FECH: variants seen among roughly 807,000 people sequenced by gnomAD.
The protein encoded by FECH is ferrochelatase.
FECH carries 40 observed loss-of-function variants against 56.9 expected under a neutral mutation model. The ratio of observed to expected loss-of-function variants is 0.70; its 90% confidence interval spans 0.55 to 0.92. The LOEUF (loss-of-function observed/expected upper bound fraction) is 0.92. Ranked by LOEUF, FECH falls within the 40% of genes least tolerant of loss-of-function variation. FECH has a pLI of 0.00. For synonymous variants in FECH, 175 were observed against 198.6 expected (o/e 0.88, Z 1.00); for missense variants, 431 against 529.1 (o/e 0.81, Z 1.82).
chr18:57,554,430 C>T lies in FECH; in HGVS notation c.913-6G>A, dbSNP rs373867253. The T allele has an allele frequency of 5.1e-5, 82 of 1,614,050 alleles. No homozygotes were observed. Among genetic ancestry groups the T allele is most frequent in the Non-Finnish European group, 6.0e-5 (71 of 1,180,016 alleles). On this transcript the variant is annotated splice_polypyrimidine_tract_variant and splice_region_variant and intron_variant, in intron 8 of 10. Coordinates refer to ENST00000262093, the MANE Select transcript of FECH (RefSeq NM_000140.5). ...AACCAGGGCATTGGACCAACCTATG[C>T]GAAAGATAGACGAATGCGTAAGTGG...
intron 4 of FECH, among the ~76,000 whole-genome samples, 171 bp downstream of exon 4, chr18:57,571,221 G>A (rs2051100452): frequency 6.6e-6 from 1 of 152,276 alleles, no homozygotes; most frequent in East Asian, 1.9e-4. Context: ...AAAGGCTAAA[G>A]GTCAAGGGAT....
At chr18:57,557,237 G>GT (rs1410347000) in intron 7 of FECH, among the ~76,000 whole-genome samples, 3 of 152,308 alleles carry the variant, frequency 2.0e-5, no homozygotes, top group Admixed American at 1.3e-4. Context: ...TCAGTTTTCT[G>GT]TAAGTCTAAA....
At chr18:57,556,090 G>T (rs2050863875) in intron 7 of FECH, among the ~76,000 whole-genome samples, 1 of 152,104 alleles carries the variant, frequency 6.6e-6, no homozygotes, top group African/African-American at 2.4e-5. Context: ...GATTGCACCA[G>T]TGCACTCCAG....
rs906316457 is a variant in FECH, at chr18:57,549,280, C to G, written c.*1432G>C. On this transcript the variant is annotated 3_prime_UTR_variant, in exon 11 of 11. Coordinates refer to ENST00000262093, the MANE Select transcript of FECH (RefSeq NM_000140.5). ...AAAAAGCTCCTCACATTTAATAATT[C>G]TGATTTAGATCAGTTTTGATTTAAC... is the stretch of plus-strand genomic sequence containing the variant. 2.0e-5 allele frequency: 3 copies of G among 152,104 alleles called. No individual in the cohort carries two copies. Among genetic ancestry groups the G allele is most frequent in the African/African-American group, 7.2e-5 (3 of 41,408 alleles). The allele number at this position is 152,104 out of a possible 1,614,324, so 9.4% of individuals were successfully genotyped here.
At chr18:57,557,246 A>C (rs1190621904) in intron 7 of FECH, among the ~76,000 whole-genome samples, 1 of 152,194 alleles carries the variant, frequency 6.6e-6, no homozygotes, top group African/African-American at 2.4e-5. Flanking sequence ...TGTAAGTCTA[A>C]AAATTTCTTC....
rs1186563474 is a variant in FECH at position 57,548,870 on chromosome 18, T to C, written c.*1842A>G. The C allele has an allele frequency of 6.6e-6, 1 of 152,238 alleles. No homozygotes were observed. Among genetic ancestry groups the C allele is most frequent in the Non-Finnish European group, 1.5e-5 (1 of 68,038 alleles). 9.4% of individuals were successfully genotyped at this position (152,238 alleles called of 1,614,324 possible). A position where few individuals can be genotyped will look rare whatever the true frequency, so the allele number is the denominator to read the frequency against. On this transcript the variant is annotated 3_prime_UTR_variant, in exon 11 of 11. Coordinates refer to ENST00000262093, the MANE Select transcript of FECH (RefSeq NM_000140.5). Reference sequence around the variant, plus strand: ...CGCAAGGGCTCCTGAATTGGAGTTTTCTGCATCATCTCCATAAAAATATTT... The same window carrying C: ...CGCAAGGGCTCCTGAATTGGAGTTTCCTGCATCATCTCCATAAAAATATTT...
chr18:57,544,800 TAATC>T lies in FECH; in HGVS notation c.*5908_*5911del, dbSNP rs2050698924. 2.0e-5 allele frequency among the ~76,000 whole-genome samples: 3 copies of T among 152,302 alleles called. No homozygotes were observed. The highest frequency in any genetic ancestry group is 2.1e-4 in the South Asian group (1 of 4,826). On this transcript the variant is annotated 3_prime_UTR_variant, in exon 11 of 11. Transcript: ENST00000262093. ...TTCCCATCACTTTCTTAAGTCTAAA[TAATC>T]AACGACAAAAAAAAGGGCGAAATAA...
At chr18:57,555,825 G>A (rs1305463542) in intron 7 of FECH, among the ~76,000 whole-genome samples, 1 of 152,150 alleles carries the variant, frequency 6.6e-6, no homozygotes. Flanking sequence ...AATAAATATT[G>A]GTGAAATGAA....
chr18:57,553,811 A>G (rs2050831433), intron 9 of FECH, among the ~76,000 whole-genome samples: 1 of 152,240 alleles, frequency 6.6e-6, no homozygotes, highest in Non-Finnish European at 1.5e-5. Flanking sequence ...TTAAATGACA[A>G]TGACTCCTAT....
Position 57,580,133 on chromosome 18 carries a change from ACGG to A in FECH, c.131_133del (p.Ala44del). On this transcript the variant is annotated inframe_deletion, in exon 2 of 11. Transcript: ENST00000262093. ...GGCATGCTGGGCTGTTTCTGTGGTG[ACGG>A]CCGCTGCAGCTGCACCTGACTTCCA... is the stretch of plus-strand genomic sequence containing the variant. 6.2e-7 allele frequency: 1 copy of A among 1,614,102 alleles called. No individual in the cohort carries two copies. Among genetic ancestry groups the A allele is most frequent in the Non-Finnish European group, 8.5e-7 (1 of 1,180,024 alleles).
At chr18:57,563,256 C>A (rs1182156715) in intron 5 of FECH, among the ~76,000 whole-genome samples, 1 of 152,090 alleles carries the variant, frequency 6.6e-6, no homozygotes, top group African/African-American at 2.4e-5. Flanking sequence ...GAAATATAAG[C>A]AGTCATATTT....
At chr18:57,579,021 G>A (rs945196746) in intron 2 of FECH, among the ~76,000 whole-genome samples, 57 of 151,890 alleles carry the variant, frequency 3.8e-4, no homozygotes, top group African/African-American at 1.3e-3. Flanking sequence ...GCCAAGGCGG[G>A]CGGATCACTT....
chr18:57,554,778 T>C, intron 8 of FECH, 67 bp downstream of exon 8: 1 of 1,352,510 alleles, frequency 7.4e-7, no homozygotes, highest in East Asian at 2.3e-5. Context: ...AATCTAACCA[T>C]TTTATAACTC....
intron 5 of FECH, among the ~76,000 whole-genome samples, chr18:57,563,825 T>C (rs142009267): frequency 4.0e-4 from 61 of 152,280 alleles, no homozygotes; most frequent in African/African-American, 1.4e-3. Flanking sequence ...ATTTTGAGCA[T>C]CTTTACTTAA....
At chr18:57,576,595 C>T (rs1030075572) in intron 2 of FECH, among the ~76,000 whole-genome samples, 3 of 152,138 alleles carry the variant, frequency 2.0e-5, no homozygotes, top group Admixed American at 2.0e-4. Flanking sequence ...AGTGTGCAAA[C>T]GGGATTTAGA....
Position 57,552,091 on chromosome 18 carries a change from C to T in FECH, c.1078-717G>A, listed in dbSNP as rs900837851. On this transcript the variant is annotated intron_variant, in intron 9 of 10. Coordinates refer to ENST00000262093, the MANE Select transcript of FECH (RefSeq NM_000140.5). The stretch of plus-strand genomic sequence containing the variant: ...TAGTGGCAAGGTTTCACCATGTTGG[C>T]CAGGCTGGTCTCGAACTCCTGACCT... 4.1e-4 allele frequency among the ~76,000 whole-genome samples: 63 copies of T among 151,872 alleles called. 1 individual carries two copies. The highest frequency in any genetic ancestry group is 1.9e-4 in the Non-Finnish European group (13 of 67,966).
rs113802529 is a variant in FECH at position 57,581,904 on chromosome 18, G to A, written c.68-1705C>T. 4.1e-3 allele frequency among the ~76,000 whole-genome samples: 629 copies of A among 152,144 alleles called. 5 individuals are homozygous for A. The highest frequency in any genetic ancestry group is 0.017 in the Middle Eastern group (5 of 294). Reference sequence around the variant, plus strand: ...CCAGATTGTACACATTCCTAGCACAGCCAATCATGTCAGCTTATGCTGAAT... The same window carrying A: ...CCAGATTGTACACATTCCTAGCACAACCAATCATGTCAGCTTATGCTGAAT... On this transcript the variant is annotated intron_variant, in intron 1 of 10. Transcript: ENST00000262093.
intron 1 of FECH, among the ~76,000 whole-genome samples, chr18:57,580,529 G>C (rs1312505590): frequency 6.6e-6 from 1 of 150,490 alleles, no homozygotes; most frequent in Non-Finnish European, 1.5e-5. Flanking sequence ...ACAGTAGCGT[G>C]CTGCTCCTGT....
intron 1 of FECH, among the ~76,000 whole-genome samples, chr18:57,583,232 G>C (rs990210835): frequency 1.3e-5 from 2 of 152,192 alleles, no homozygotes; most frequent in African/African-American, 4.8e-5. Flanking sequence ...CATTCGTCCA[G>C]GCTAAAGGAG....
Sources: allele counts gnomAD v4.1 joint callset (sites outside exome capture counted in the v4.1 genomes callset), GRCh38; gene constraint gnomAD v4.1.1; transcripts MANE v1.5; gene names NCBI Gene and HGNC (gene_info 2026-07-23, HGNC 2026-07-21).